The following SLC7A6 variants were observed in gnomAD, a reference collection of about 807,000 sequenced individuals.
SLC7A6 encodes the protein solute carrier family 7 member 6.
A neutral mutation model predicts 46.6 loss-of-function variants in SLC7A6; 29 were observed. The ratio of observed to expected loss-of-function variants is 0.62; its 90% confidence interval spans 0.46 to 0.85. The LOEUF (loss-of-function observed/expected upper bound fraction) is 0.85. Among genes scored for constraint, SLC7A6 ranks in the 40% least tolerant of loss-of-function variants. SLC7A6 has a pLI of 0.00. For missense variants in SLC7A6, 527 were observed against 647.6 expected (o/e 0.81, Z 2.02); for synonymous variants, 276 against 257.3 (o/e 1.07, Z -0.70).
chr16:68,294,799 A>G lies in SLC7A6; in HGVS notation c.1117A>G (p.Asn373Asp). The G allele has an allele frequency of 6.2e-7, 1 of 1,610,590 alleles. No homozygotes were observed. ...TACACCTATCCCTGCTTTACTGTTC[A>G]ATGTAAGCTTTGCTGGGACCACGGG... ...RFTPIPALLF[N>D]CTMALIYLIV... Residue 373 changes from asparagine (N) to aspartate (D), a missense_variant and splice_region_variant, in exon 8 of 11, where the codon AAT becomes GAT. Transcript: ENST00000219343.
In SLC7A6 at chr16:68,301,439, T is replaced by C. The variant is rs1375634651; in HGVS notation, c.*4111T>C. 5 of 1,601,132 alleles carry C rather than the reference T, an allele frequency of 3.1e-6. No homozygotes were observed. Among genetic ancestry groups the C allele is most frequent in the Non-Finnish European group, 8.5e-7 (1 of 1,171,470 alleles). On this transcript the variant is annotated 3_prime_UTR_variant, in exon 11 of 11. Transcript: ENST00000219343. ...ACATCCCGGGAGTGGATTCTAAATG[T>C]GATTTTCCTAGGCTACTGCAGGAGC... is the stretch of plus-strand genomic sequence containing the variant.
At position 68,301,344 on chromosome 16, in the gene SLC7A6, C is replaced by T; in HGVS notation, c.*4016C>T. The T allele has an allele frequency of 1.2e-6, 2 of 1,614,134 alleles. No homozygotes were observed. The highest frequency in any genetic ancestry group is 1.7e-6 in the Non-Finnish European group (2 of 1,180,008). On this transcript the variant is annotated 3_prime_UTR_variant, in exon 11 of 11. Transcript: ENST00000219343. ...TCTGCACATCCAGAGGGTACTTGCTCCACATCCGCTGTCTGCTGCTGCCTC... is the reference window on the plus strand; with the variant it reads ...TCTGCACATCCAGAGGGTACTTGCTTCACATCCGCTGTCTGCTGCTGCCTC...
At chr16:68,291,945 T>C (rs775423247) in intron 7 of SLC7A6, 15 of 358,822 alleles carry the variant, frequency 4.2e-5, no homozygotes, top group Non-Finnish European at 7.1e-5. Flanking sequence ...TGGTAGCTCA[T>C]ATTTTGTGTG....
At chr16:68,281,227 AGCAGCTTTTT>A (rs1181030116) in intron 3 of SLC7A6, among the ~76,000 whole-genome samples, 1 of 152,184 alleles carries the variant, frequency 6.6e-6, no homozygotes, top group Non-Finnish European at 1.5e-5. Flanking sequence ...AGGAGATCCA[AGCAGCTTTTT>A]GCAGATTTCA....
intron 3 of SLC7A6, among the ~76,000 whole-genome samples, chr16:68,276,484 A>G (rs1215132090): frequency 2.0e-5 from 3 of 152,182 alleles, no homozygotes; most frequent in Non-Finnish European, 4.4e-5. Flanking sequence ...GGAGTTAGCA[A>G]TAAAGGACTG....
chr16:68,282,565 C>T (rs1413537494), intron 3 of SLC7A6, among the ~76,000 whole-genome samples: 1 of 152,032 alleles, frequency 6.6e-6, no homozygotes, highest in African/African-American at 2.4e-5. Flanking sequence ...CATTTCACTC[C>T]TGAATGTCTT....
chr16:68,287,940 G>A, intron 4 of SLC7A6, 69 bp downstream of exon 4: 1 of 1,578,816 alleles, frequency 6.3e-7, no homozygotes, highest in Non-Finnish European at 8.6e-7. Flanking sequence ...TGGCGACTCT[G>A]TTAGCTTCAC....
intron 3 of SLC7A6, 73 bp from the exon 4 acceptor site, chr16:68,287,673 T>C: frequency 6.4e-7 from 1 of 1,571,454 alleles, no homozygotes; most frequent in Non-Finnish European, 8.7e-7. Flanking sequence ...GAAAGAGTGC[T>C]CTCTGTAAAG....
At chr16:68,272,798 C>A (rs1316099724) in intron 2 of SLC7A6, among the ~76,000 whole-genome samples, 1 of 152,210 alleles carries the variant, frequency 6.6e-6, no homozygotes, top group Non-Finnish European at 1.5e-5. Context: ...GGTCAGATTT[C>A]TCTGCTTGTC....
In SLC7A6 at chr16:68,287,080, C is replaced by T. The variant is rs144690278; in HGVS notation, c.524-666C>T. On this transcript the variant is annotated intron_variant, in intron 3 of 10. Coordinates refer to ENST00000219343, the MANE Select transcript of SLC7A6 (RefSeq NM_003983.6). ...GCTGCCTCAACCTCCTAGGCTCAAG[C>T]GACCCTCCCTCCTCAGCCTCCTGAG... Among the ~76,000 whole-genome samples, 687 of 151,068 alleles carry T rather than the reference C, an allele frequency of 4.5e-3. 3 individuals carry two copies. Among genetic ancestry groups the T allele is most frequent in the Non-Finnish European group, 7.1e-3 (481 of 67,850 alleles).
intron 2 of SLC7A6, chr16:68,272,892 A>G (rs1435324810): frequency 7.9e-5 from 12 of 152,158 alleles, no homozygotes; most frequent in Admixed American, 7.9e-4. Context: ...CCAGCTGTGT[A>G]CTGGTTTTGT....
chr16:68,282,212 C>G (rs909159682), intron 3 of SLC7A6, among the ~76,000 whole-genome samples: 2 of 152,152 alleles, frequency 1.3e-5, no homozygotes, highest in African/African-American at 4.8e-5. Flanking sequence ...TGTTTCAAGA[C>G]TCCAACCCTA....
chr16:68,284,643 C>T, intron 3 of SLC7A6: 1 of 985,336 alleles, frequency 1.0e-6, no homozygotes, highest in Non-Finnish European at 1.2e-6. Context: ...GAAGTGAGAC[C>T]CAGTGCCAGT....
At chr16:68,276,705 T>TA (rs2042718561) in intron 3 of SLC7A6, among the ~76,000 whole-genome samples, 1 of 151,914 alleles carries the variant, frequency 6.6e-6, no homozygotes, top group Non-Finnish European at 1.5e-5. Context: ...GATTATAAAA[T>TA]ATGTTTATTA....
intron 2 of SLC7A6, among the ~76,000 whole-genome samples, chr16:68,269,303 G>C (rs1356388247): frequency 1.3e-5 from 2 of 152,024 alleles, no homozygotes; most frequent in East Asian, 3.9e-4. Context: ...TGTTTTTCTT[G>C]CTTTTTTTAT....
intron 8 of SLC7A6, among the ~76,000 whole-genome samples, chr16:68,295,799 G>A (rs1336100035): frequency 6.6e-6 from 1 of 152,178 alleles, no homozygotes; most frequent in Non-Finnish European, 1.5e-5. Context: ...CATTTTGCTA[G>A]TTTCCAGGTC....
chr16:68,275,273 G>A (rs768064385), intron 3 of SLC7A6, 24 bp downstream of exon 3: 7 of 1,599,832 alleles, frequency 4.4e-6, no homozygotes, highest in Non-Finnish European at 1.7e-6. Context: ...GAGATTGGGA[G>A]GATGTTGGGG....
intron 5 of SLC7A6, chr16:68,290,757 G>C (rs140539296): frequency 1.2e-3 from 722 of 587,542 alleles, no homozygotes; most frequent in Non-Finnish European, 2.0e-3. Context: ...CTGGAGGATA[G>C]GGCCTTCCTA....
chr16:68,282,136 T>C (rs965491699), intron 3 of SLC7A6, among the ~76,000 whole-genome samples: 2 of 152,210 alleles, frequency 1.3e-5, no homozygotes, highest in African/African-American at 4.8e-5. Flanking sequence ...CTAGTTGCTA[T>C]GGACAGACAA....
Sources: gnomAD v4.1 joint callset for allele counts (sites outside exome capture counted in the v4.1 genomes callset) on GRCh38, gnomAD v4.1.1 for gene constraint, MANE v1.5 for transcripts, NCBI Gene and HGNC (gene_info 2026-07-23, HGNC 2026-07-21) for gene names.